The following RPS6KC1 variants were observed in gnomAD, a reference collection of about 807,000 sequenced individuals.
RPS6KC1 encodes inactive ribosomal protein S6 kinase delta-1.
RPS6KC1 carries 54 observed loss-of-function variants against 103.8 expected under a neutral mutation model. The observed-to-expected ratio is 0.52, with a 90% confidence interval of 0.42 to 0.65. The LOEUF is 0.65. RPS6KC1 is among the 30% of genes least tolerant of loss of function. The pLI is 0.00. For synonymous variants in RPS6KC1, 439 were observed against 438.7 expected, an observed-to-expected ratio of 1.00 and a Z score of -0.01; for missense variants, 1,151 against 1,253.8, an observed-to-expected ratio of 0.92 and a Z score of 1.24.
chr1:213,314,052 C>T, the RPS6KC1 span, among the ~76,000 whole-genome samples: 2 of 152,150 alleles, frequency 1.3e-5, no homozygotes, highest in African/African-American at 4.8e-5. Context: ...TCCTCCGAGA[C>T]TCCAGCTGGG....
the RPS6KC1 span, among the ~76,000 whole-genome samples, chr1:213,390,731 G>C: frequency 6.6e-6 from 1 of 152,140 alleles, no homozygotes; most frequent in African/African-American, 2.4e-5. Flanking sequence ...CTTTGCAAAG[G>C]ATCTATAGAC....
At chr1:213,335,782 G>C in the RPS6KC1 span, among the ~76,000 whole-genome samples, 1 of 152,210 alleles carries the variant, frequency 6.6e-6, no homozygotes, top group Non-Finnish European at 1.5e-5. Context: ...CACAACTGTC[G>C]TGTGCTGTAT....
At chr1:213,749,958 A>C in the RPS6KC1 span, among the ~76,000 whole-genome samples, 22 of 152,350 alleles carry the variant, frequency 1.4e-4, no homozygotes, top group East Asian at 4.2e-3. Flanking sequence ...TAACTTCAAA[A>C]TTCTCTCTGG....
the RPS6KC1 span, among the ~76,000 whole-genome samples, chr1:213,640,335 T>G: frequency 1.3e-5 from 2 of 151,900 alleles, no homozygotes; most frequent in East Asian, 3.9e-4. Flanking sequence ...ATTTTAGTGA[T>G]TTTTTTCTAA....
chr1:213,441,477 T>C, the RPS6KC1 span, among the ~76,000 whole-genome samples: 1 of 152,242 alleles, frequency 6.6e-6, no homozygotes, highest in Non-Finnish European at 1.5e-5. Flanking sequence ...TCACTCAGCA[T>C]AACGTTTTCT....
chr1:213,206,765 T>G (rs1331972066), intron 8 of RPS6KC1, among the ~76,000 whole-genome samples: 2 of 152,190 alleles, frequency 1.3e-5, no homozygotes, highest in East Asian at 3.9e-4. Context: ...AATTACAATT[T>G]GTTAAATATT....
At chr1:213,637,069 A>T in the RPS6KC1 span, among the ~76,000 whole-genome samples, 2 of 152,220 alleles carry the variant, frequency 1.3e-5, no homozygotes, top group Admixed American at 6.5e-5. Context: ...ATGAGATACC[A>T]TCTCACACCA....
chr1:213,676,756 T>C, the RPS6KC1 span, among the ~76,000 whole-genome samples: 1 of 152,366 alleles, frequency 6.6e-6, no homozygotes, highest in Middle Eastern at 3.4e-3. Flanking sequence ...CAGACTTCTT[T>C]TCTGTATACC....
At chr1:213,606,945 A>G in the RPS6KC1 span, among the ~76,000 whole-genome samples, 1 of 152,204 alleles carries the variant, frequency 6.6e-6, no homozygotes, top group Admixed American at 6.5e-5. Flanking sequence ...CAATGAGAGT[A>G]TGATCATCTC....
At chr1:213,738,328 A>G in the RPS6KC1 span, among the ~76,000 whole-genome samples, 4 of 152,338 alleles carry the variant, frequency 2.6e-5, no homozygotes, top group Non-Finnish European at 4.4e-5. Context: ...AGAAAATAAC[A>G]TGTATAAACC....
At chr1:213,569,013 C>T in the RPS6KC1 span, among the ~76,000 whole-genome samples, 1 of 152,176 alleles carries the variant, frequency 6.6e-6, no homozygotes, top group Non-Finnish European at 1.5e-5. Flanking sequence ...CACAGAGTGC[C>T]CTCGACCAGC....
intron 6 of RPS6KC1, among the ~76,000 whole-genome samples, chr1:213,134,081 G>T (rs189145116): frequency 6.6e-6 from 1 of 151,992 alleles, no homozygotes; most frequent in East Asian, 1.9e-4. Context: ...ATATAAAATG[G>T]TTATTTTCTA....
At chr1:213,394,646 G>A in the RPS6KC1 span, among the ~76,000 whole-genome samples, 2 of 152,176 alleles carry the variant, frequency 1.3e-5, no homozygotes. Flanking sequence ...GTGGAAATGG[G>A]CCATGCCTGC....
intron 8 of RPS6KC1, among the ~76,000 whole-genome samples, chr1:213,184,784 G>C (rs1395198850): frequency 6.6e-6 from 1 of 152,074 alleles, no homozygotes; most frequent in Non-Finnish European, 1.5e-5. Flanking sequence ...TAATTTCCGT[G>C]TGTTTCTGTA....
At chr1:213,566,957 G>T in the RPS6KC1 span, among the ~76,000 whole-genome samples, 1 of 152,016 alleles carries the variant, frequency 6.6e-6, no homozygotes, top group East Asian at 1.9e-4. Flanking sequence ...TTCCTTATGT[G>T]CTCTTTTATA....
the RPS6KC1 span, among the ~76,000 whole-genome samples, chr1:213,556,050 G>A: frequency 6.6e-6 from 1 of 152,222 alleles, no homozygotes; most frequent in Admixed American, 6.5e-5. Flanking sequence ...AATTTAAGAT[G>A]CTGTGAGAAA....
chr1:213,791,371 C>A, the RPS6KC1 span, among the ~76,000 whole-genome samples: 1 of 152,072 alleles, frequency 6.6e-6, no homozygotes, highest in Non-Finnish European at 1.5e-5. Flanking sequence ...CTAACAAACT[C>A]GTTGTATTCC....
chr1:213,760,639 C>T, the RPS6KC1 span, among the ~76,000 whole-genome samples: 1 of 152,308 alleles, frequency 6.6e-6, no homozygotes, highest in South Asian at 2.1e-4. Flanking sequence ...TTCAGACAAA[C>T]AACATTAGTA....
the RPS6KC1 span, among the ~76,000 whole-genome samples, chr1:213,605,881 G>T: frequency 6.6e-6 from 1 of 152,130 alleles, no homozygotes; most frequent in Non-Finnish European, 1.5e-5. Flanking sequence ...GGGAGACAAC[G>T]CCAGGTGCTG....
Sources: gnomAD v4.1 joint callset for allele counts (sites outside exome capture counted in the v4.1 genomes callset) on GRCh38, gnomAD v4.1.1 for gene constraint, MANE v1.5 for transcripts, NCBI Gene and HGNC (gene_info 2026-07-23, HGNC 2026-07-21) for gene names.